Variants in OR9Q1 observed in about 807,000 individuals in gnomAD.
OR9Q1 encodes the protein olfactory receptor 9Q1.
For synonymous variants in OR9Q1, 153 were observed against 148.6 expected, an observed-to-expected ratio of 1.03 and a Z score of -0.22; for missense variants, 374 against 378.8, an observed-to-expected ratio of 0.99 and a Z score of 0.11.
At chr11:58,055,833 C>T (rs192399204) in intron 1 of OR9Q1, 37 bp from the exon 2 acceptor site, 1 of 139,778 alleles carries the variant, frequency 7.2e-6, no homozygotes, top group Non-Finnish European at 1.6e-5. Context: ...CAACTACTAA[C>T]TTAGGCCCCT....
chr11:58,171,698 G>T (rs2119949549), intron 2 of OR9Q1: 1 of 152,330 alleles, frequency 6.6e-6, no homozygotes, highest in South Asian at 2.1e-4. Flanking sequence ...CCTGAGGAAA[G>T]GTCTTAATAA....
chr11:58,118,853 C>G, intron 2 of OR9Q1: 1 of 1,613,996 alleles, frequency 6.2e-7, no homozygotes, highest in East Asian at 2.2e-5. Context: ...AAGATGATGA[C>G]AATCTCGATG....
intron 2 of OR9Q1, among the ~76,000 whole-genome samples, chr11:58,081,630 C>G (rs1234113272): frequency 6.6e-6 from 1 of 151,816 alleles, no homozygotes; most frequent in Non-Finnish European, 1.5e-5. Flanking sequence ...TGAGCAGTGT[C>G]TGTTCATATC....
intron 2 of OR9Q1, among the ~76,000 whole-genome samples, chr11:58,174,400 CTA>C (rs1347067514): frequency 6.6e-6 from 1 of 152,080 alleles, no homozygotes; most frequent in African/African-American, 2.4e-5. Context: ...GGCCACAGAC[CTA>C]TGAGTGTGAG....
intron 2 of OR9Q1, chr11:58,109,002 G>A (rs200748842): frequency 7.1e-6 from 3 of 422,334 alleles, no homozygotes; most frequent in Admixed American, 2.5e-5. Context: ...CTCTGATAAT[G>A]AGCATGTAGC....
intron 2 of OR9Q1, among the ~76,000 whole-genome samples, chr11:58,077,168 G>A (rs1002316038): frequency 3.3e-5 from 5 of 152,244 alleles, no homozygotes; most frequent in African/African-American, 1.2e-4. Context: ...TGAGAGGCTT[G>A]GGATAGAGAA....
chr11:58,044,935 T>G (rs1022098035), intron 1 of OR9Q1: 3 of 152,188 alleles, frequency 2.0e-5, no homozygotes, highest in African/African-American at 7.2e-5. Context: ...TCCAAAACTT[T>G]TTGAGTGCCA....
At chr11:58,167,758 C>T (rs1287554868) in intron 2 of OR9Q1, among the ~76,000 whole-genome samples, 1 of 152,102 alleles carries the variant, frequency 6.6e-6, no homozygotes, top group African/African-American at 2.4e-5. Context: ...GTGTCTCATC[C>T]TCCAACGGGC....
intron 2 of OR9Q1, among the ~76,000 whole-genome samples, chr11:58,173,607 A>G (rs1854576687): frequency 6.6e-6 from 1 of 152,066 alleles, no homozygotes. Context: ...TAAGAGCCAC[A>G]GGGAACTCTG....
Position 58,102,998 on chromosome 11 carries a change from A to G in OR9Q1, c.-15+47051A>G, listed in dbSNP as rs571441215. ...GATCTAATCTGTTGTTGAAGCTCTC[A>G]CTTGTTTATTTGATTTGATTTCATT... is the stretch of plus-strand genomic sequence containing the variant. On this transcript the variant is annotated intron_variant, in intron 2 of 2. Coordinates refer to ENST00000335397, the MANE Select transcript of OR9Q1 (RefSeq NM_001005212.4). Among the ~76,000 whole-genome samples, 211 of 151,938 alleles carry G rather than the reference A, an allele frequency of 1.4e-3. 1 individual carries two copies. The highest frequency in any genetic ancestry group is 1.9e-3 in the Non-Finnish European group (129 of 67,966).
chr11:58,078,656 A>G (rs1853561825), intron 2 of OR9Q1: 1 of 152,224 alleles, frequency 6.6e-6, no homozygotes, highest in Non-Finnish European at 1.5e-5. Flanking sequence ...TATTACCTCT[A>G]GAACTGTGGA....
intron 2 of OR9Q1, among the ~76,000 whole-genome samples, chr11:58,140,607 A>C (rs936240407): frequency 3.3e-5 from 5 of 151,998 alleles, no homozygotes; most frequent in East Asian, 1.9e-4. Flanking sequence ...AGATATGCGG[A>C]ATTATTTCTG....
chr11:58,160,438 T>TTTA lies in OR9Q1; in HGVS notation c.-14-18991_-14-18990insATT, dbSNP rs1296372262. Among the ~76,000 whole-genome samples, 15 of 150,202 alleles carry TTTA rather than the reference T, an allele frequency of 1.0e-4. No homozygotes were observed. The East Asian group carries it at 2.8e-3, about 28-fold the overall frequency. ...AATTTTGATCTGAATGAGTAGAATA[T>TTTA]TTGTTGTTGTTGTTGTTGTTGTTGT... On this transcript the variant is annotated intron_variant, in intron 2 of 2. Coordinates refer to ENST00000335397, the MANE Select transcript of OR9Q1 (RefSeq NM_001005212.4).
intron 2 of OR9Q1, chr11:58,077,736 CA>C (rs1358848740): frequency 6.6e-6 from 1 of 152,162 alleles, no homozygotes; most frequent in Non-Finnish European, 1.5e-5. Flanking sequence ...TGAGCTTCAG[CA>C]GGGGCAGGAT....
At chr11:58,147,995 T>C (rs1475216951) in intron 2 of OR9Q1, among the ~76,000 whole-genome samples, 1 of 152,172 alleles carries the variant, frequency 6.6e-6, no homozygotes, top group Non-Finnish European at 1.5e-5. Context: ...TTTGGAATTA[T>C]ACATTTTTAG....
At chr11:58,062,473 T>G (rs1853389390) in intron 2 of OR9Q1, among the ~76,000 whole-genome samples, 1 of 152,172 alleles carries the variant, frequency 6.6e-6, no homozygotes, top group Non-Finnish European at 1.5e-5. Context: ...GGGTCCTTTG[T>G]GAAGAGGTTA....
intron 2 of OR9Q1, among the ~76,000 whole-genome samples, chr11:58,114,173 G>A (rs908833922): frequency 6.6e-6 from 1 of 152,052 alleles, no homozygotes; most frequent in African/African-American, 2.4e-5. Flanking sequence ...TCAGAGCCTT[G>A]GACCTCATAG....
intron 2 of OR9Q1, among the ~76,000 whole-genome samples, chr11:58,094,235 A>G (rs1853710486): frequency 6.6e-6 from 1 of 152,162 alleles, no homozygotes; most frequent in African/African-American, 2.4e-5. Flanking sequence ...ATGGGAGATA[A>G]ATAATGTGTA....
intron 2 of OR9Q1, among the ~76,000 whole-genome samples, chr11:58,074,539 C>T (rs896464055): frequency 6.6e-6 from 1 of 150,610 alleles, no homozygotes; most frequent in Non-Finnish European, 1.5e-5. Flanking sequence ...CAACAATTTT[C>T]TCCCATTCTG....
Sources: allele counts gnomAD v4.1 joint callset (sites outside exome capture counted in the v4.1 genomes callset), GRCh38; gene constraint gnomAD v4.1.1; transcripts MANE v1.5; gene names NCBI Gene and HGNC (gene_info 2026-07-23, HGNC 2026-07-21).